The following FBXL20 variants were observed in gnomAD, a reference collection of about 807,000 sequenced individuals.
FBXL20 encodes the protein F-box and leucine rich repeat protein 20, also known as F-box/LRR-repeat protein 20.
Under a neutral mutation model 64.0 loss-of-function variants are expected in FBXL20, and 11 were observed. The ratio of observed to expected loss-of-function variants is 0.17; its 90% CI spans 0.11 to 0.28. The LOEUF is 0.28. FBXL20 is among the 10% of genes least tolerant of loss of function. FBXL20 has a pLI of 1.00. For synonymous variants in FBXL20, 184 were observed against 189.0 expected, an observed-to-expected ratio of 0.97 and a Z score of 0.22; for missense variants, 303 against 526.2, an observed-to-expected ratio of 0.58 and a Z score of 4.15.
intron 1 of FBXL20, among the ~76,000 whole-genome samples, chr17:39,396,071 G>GA (rs71300072): frequency 0.37 from 39,693 of 108,708 alleles, 7,934 homozygotes; most frequent in African/African-American, 0.6. Flanking sequence ...AAGACTTTTC[G>GA]AAAAAAAAAA....
chr17:39,395,917 G>A (rs1309440805), intron 1 of FBXL20, among the ~76,000 whole-genome samples: 1 of 151,846 alleles, frequency 6.6e-6, no homozygotes, highest in African/African-American at 2.4e-5. Context: ...AGAAGAGAGC[G>A]TTCCATGAAA....
intron 1 of FBXL20, among the ~76,000 whole-genome samples, chr17:39,371,156 T>C (rs1310464635): frequency 6.6e-6 from 1 of 152,014 alleles, no homozygotes; most frequent in Non-Finnish European, 1.5e-5. Flanking sequence ...AGGCGGAGGT[T>C]GTGGTAAGCC....
At position 39,258,068 on chromosome 17, in the gene FBXL20, TTTTG is replaced by T. The variant is rs1369581942; in HGVS notation, c.*3388_*3391del. ...CCCACCTGTAGGTTTACGGCAGTAGTTTTGAGGGTACCTTCTAACTTATCCCCAA... is the reference window on the plus strand; with the variant it reads ...CCCACCTGTAGGTTTACGGCAGTAGTAGGGTACCTTCTAACTTATCCCCAA... On this transcript the variant is annotated 3_prime_UTR_variant, in exon 15 of 15. Transcript: ENST00000264658. 1 of 152,202 alleles carries T rather than the reference TTTTG, an allele frequency of 6.6e-6. No individual in the cohort carries two copies. The highest frequency in any genetic ancestry group is 1.5e-5 in the Non-Finnish European group (1 of 68,036). The allele number at this position is 152,202 out of a possible 1,614,324, so 9.4% of individuals were successfully genotyped here.
chr17:39,343,892 C>T (rs1206623896), intron 1 of FBXL20, among the ~76,000 whole-genome samples: 1 of 151,968 alleles, frequency 6.6e-6, no homozygotes, highest in East Asian at 1.9e-4. Context: ...GAGACAGAGT[C>T]TCACTCTGTC....
chr17:39,396,757 C>T (rs2048187990), intron 1 of FBXL20, among the ~76,000 whole-genome samples: 2 of 151,602 alleles, frequency 1.3e-5, no homozygotes, highest in Non-Finnish European at 2.9e-5. Flanking sequence ...AGATTGAGAC[C>T]ATCCTGGCTA....
intron 11 of FBXL20, among the ~76,000 whole-genome samples, chr17:39,269,564 T>C (rs2144352529): frequency 7.0e-6 from 1 of 142,880 alleles, no homozygotes; most frequent in Non-Finnish European, 1.5e-5. Context: ...AATGGCACGA[T>C]CTCAGCTCAC....
At chr17:39,298,279 T>G (rs1447547545) in intron 5 of FBXL20, among the ~76,000 whole-genome samples, 1 of 152,030 alleles carries the variant, frequency 6.6e-6, no homozygotes. Context: ...TCACCTAACC[T>G]GGCTAATTAA....
intron 1 of FBXL20, among the ~76,000 whole-genome samples, chr17:39,399,467 G>A (rs536532073): frequency 1.5e-4 from 23 of 152,168 alleles, no homozygotes; most frequent in Admixed American, 9.2e-4. Flanking sequence ...ATGGTTTTAA[G>A]AAGTACTCAA....
At chr17:39,336,229 G>T (rs1199026199) in intron 2 of FBXL20, among the ~76,000 whole-genome samples, 1 of 152,074 alleles carries the variant, frequency 6.6e-6, no homozygotes, top group African/African-American at 2.4e-5. Flanking sequence ...GAAATAATAT[G>T]GTCCTAACAA....
chr17:39,352,932 G>A (rs929398816), intron 1 of FBXL20, among the ~76,000 whole-genome samples: 1 of 152,130 alleles, frequency 6.6e-6, no homozygotes, highest in African/African-American at 2.4e-5. Context: ...TAGGTTGTAA[G>A]AAAAAGTGCC....
At position 39,270,795 on chromosome 17, in the gene FBXL20, C is replaced by A; in HGVS notation, c.888+1G>T. 1 of 1,608,326 alleles carries A rather than the reference C, an allele frequency of 6.2e-7. No homozygotes were observed. Reference sequence around the variant, plus strand: ...CTATGGAACCTAAAGAAAATACTTACCCTGGCTAGAGTGGTAAAGCCCACA... The same window carrying A: ...CTATGGAACCTAAAGAAAATACTTAACCTGGCTAGAGTGGTAAAGCCCACA... On this transcript the variant is annotated splice_donor_variant, in intron 11 of 14. Transcript: ENST00000264658. LOFTEE classifies it high-confidence loss of function.
chr17:39,256,335 A>G lies in FBXL20; in HGVS notation c.*5125T>C, dbSNP rs2046695839. On this transcript the variant is annotated 3_prime_UTR_variant, in exon 15 of 15. Coordinates refer to ENST00000264658, the MANE Select transcript of FBXL20 (RefSeq NM_032875.3). ...GACTCCATGTCAAAAAAAAAAAAAA[A>G]AAAAAGAAATATAGGCGAGGAAAGG... The G allele has an allele frequency of 6.6e-6, 1 of 152,014 alleles. No individual in the cohort carries two copies. The highest frequency in any genetic ancestry group is 1.5e-5 in the Non-Finnish European group (1 of 68,038). 9.4% of individuals were successfully genotyped at this position (152,014 alleles called of 1,614,324 possible). A position where few individuals can be genotyped will look rare whatever the true frequency, so the allele number is the denominator to read the frequency against.
chr17:39,358,777 A>G lies in FBXL20; in HGVS notation c.43-15536T>C, dbSNP rs150359522. On this transcript the variant is annotated intron_variant, in intron 1 of 14. Coordinates refer to ENST00000264658, the MANE Select transcript of FBXL20 (RefSeq NM_032875.3). The stretch of plus-strand genomic sequence containing the variant: ...AACAGAATGAAAAGACAACCTACAC[A>G]TTAGGAGAAAATATTTGCAAATATC... 7.4e-4 allele frequency among the ~76,000 whole-genome samples: 112 copies of G among 152,320 alleles called. 2 individuals are homozygous for G. In the East Asian group the frequency reaches 0.015, roughly 20 times the overall value.
chr17:39,394,397 C>G (rs1472423714), intron 1 of FBXL20, among the ~76,000 whole-genome samples: 1 of 151,360 alleles, frequency 6.6e-6, no homozygotes, highest in African/African-American at 2.4e-5. Flanking sequence ...CTCAGCCTCC[C>G]GAGTAGCTGG....
intron 1 of FBXL20, among the ~76,000 whole-genome samples, chr17:39,361,172 C>T (rs1480481205): frequency 1.3e-5 from 2 of 151,816 alleles, no homozygotes; most frequent in East Asian, 3.9e-4. Context: ...AGAATTAGAC[C>T]ATAATGAAAC....
intron 1 of FBXL20, among the ~76,000 whole-genome samples, chr17:39,386,303 T>C (rs2048079599): frequency 6.7e-6 from 1 of 149,528 alleles, no homozygotes; most frequent in Admixed American, 6.7e-5. Context: ...CAAGACTCTG[T>C]CTCAAAAATA....
intron 1 of FBXL20, among the ~76,000 whole-genome samples, chr17:39,387,068 C>A (rs2048088195): frequency 6.6e-6 from 1 of 152,148 alleles, no homozygotes; most frequent in Non-Finnish European, 1.5e-5. Flanking sequence ...ACGTAATATG[C>A]ATCAGTGGAA....
In FBXL20 at chr17:39,281,565, AC is replaced by A. The variant is rs2046950926; in HGVS notation, c.622-103del. 20 of 890,954 alleles carry A rather than the reference AC, an allele frequency of 2.2e-5. No homozygotes were observed. In the South Asian group the frequency reaches 3.2e-4, roughly 14 times the overall value. 55.2% of individuals were successfully genotyped at this position (890,954 alleles called of 1,614,324 possible). A position where few individuals can be genotyped will look rare whatever the true frequency, so the allele number is the denominator to read the frequency against. On this transcript the variant is annotated intron_variant, in intron 8 of 14. Transcript: ENST00000264658. The stretch of plus-strand genomic sequence containing the variant: ...TCATTCATACATTCTAATACAGCCA[AC>A]CAAGTTTCGAAGGAACAATGAATCA...
chr17:39,282,722 G>A lies in FBXL20; in HGVS notation c.621+7C>T. On this transcript the variant is annotated splice_region_variant and intron_variant, in intron 8 of 14. Coordinates refer to ENST00000264658, the MANE Select transcript of FBXL20 (RefSeq NM_032875.3). ...CCGAATTTCACGAGCCCTACATGGA[G>A]TATTACCTGCGTGCAGCCTTTTAAG... 2 of 1,614,090 alleles carry A rather than the reference G, an allele frequency of 1.2e-6. No homozygotes were observed. The highest frequency in any genetic ancestry group is 4.5e-5 in the East Asian group (2 of 44,878).
Sources: allele counts gnomAD v4.1 joint callset (sites outside exome capture counted in the v4.1 genomes callset), GRCh38; gene constraint gnomAD v4.1.1; transcripts MANE v1.5; gene names NCBI Gene and HGNC (gene_info 2026-07-23, HGNC 2026-07-21).